FRRS1L: variants seen among roughly 807,000 people sequenced by gnomAD.
The protein encoded by FRRS1L is ferric chelate reductase 1 like, also known as DOMON domain-containing protein FRRS1L.
A neutral mutation model predicts 28.6 loss-of-function variants in FRRS1L; 22 were observed. The observed-to-expected ratio is 0.77, with a 90% CI of 0.55 to 1.10. FRRS1L has a LOEUF of 1.10. FRRS1L is among the 50% of genes least tolerant of loss of function. FRRS1L has a pLI of 0.00. For missense variants in FRRS1L, 380 were observed against 386.9 expected, an observed-to-expected ratio of 0.98 and a Z score of 0.15; for synonymous variants, 158 against 151.4, an observed-to-expected ratio of 1.04 and a Z score of -0.32.
chr9:109,134,838 C>T lies in FRRS1L; in HGVS notation c.*2617G>A, dbSNP rs1268022935. Reference sequence around the variant, plus strand: ...GAGAGAAATATAAAAATATTTGCTTCTTATTTACAACATGGCTGCCTGCAT... The same window carrying T: ...GAGAGAAATATAAAAATATTTGCTTTTTATTTACAACATGGCTGCCTGCAT... On this transcript the variant is annotated 3_prime_UTR_variant, in exon 5 of 5. Transcript: ENST00000561981. 1 of 152,090 alleles carries T rather than the reference C, an allele frequency of 6.6e-6. No homozygotes were observed. 9.4% of individuals were successfully genotyped at this position (152,090 alleles called of 1,614,324 possible).
At chr9:109,162,190 C>A (rs915254599) in intron 1 of FRRS1L, among the ~76,000 whole-genome samples, 1 of 152,206 alleles carries the variant, frequency 6.6e-6, no homozygotes, top group African/African-American at 2.4e-5. Flanking sequence ...GTGGCTCATG[C>A]CTGTAATCCC....
chr9:109,166,764 C>T (rs1026065732), intron 1 of FRRS1L, 137 bp downstream of exon 1: 9 of 458,668 alleles, frequency 2.0e-5, no homozygotes, highest in Non-Finnish European at 3.1e-5. Flanking sequence ...CCTGGCCTCG[C>T]CTCTGCAAGA....
intron 3 of FRRS1L, among the ~76,000 whole-genome samples, 154 bp downstream of exon 3, chr9:109,146,897 T>C (rs562390159): frequency 4.6e-5 from 7 of 152,340 alleles, no homozygotes; most frequent in Non-Finnish European, 1.0e-4. Context: ...AACCCTTTCA[T>C]TTAAGCTAGC....
intron 1 of FRRS1L, among the ~76,000 whole-genome samples, chr9:109,159,189 C>T (rs1210532168): frequency 6.6e-6 from 1 of 152,056 alleles, no homozygotes; most frequent in African/African-American, 2.4e-5. Context: ...GTAATAATTA[C>T]AATTTAATTA....
rs1371683428 is a variant in FRRS1L at position 109,133,509 on chromosome 9, T to C, written c.*3946A>G. 1 of 152,216 alleles carries C rather than the reference T, an allele frequency of 6.6e-6. No homozygotes were observed. The highest frequency in any genetic ancestry group is 6.5e-5 in the Admixed American group (1 of 15,282). 9.4% of individuals were successfully genotyped at this position (152,216 alleles called of 1,614,324 possible). Reference sequence around the variant, plus strand: ...AAGTTTTAATGGATGTGCACGAAGGTGCATGAATGTGTAGGAAATCATATC... The same window carrying C: ...AAGTTTTAATGGATGTGCACGAAGGCGCATGAATGTGTAGGAAATCATATC... On this transcript the variant is annotated 3_prime_UTR_variant, in exon 5 of 5. Coordinates refer to ENST00000561981, the MANE Select transcript of FRRS1L (RefSeq NM_014334.4).
In FRRS1L at chr9:109,167,175, C is replaced by T. The variant is rs1479078837; in HGVS notation, c.-37G>A. ...GATCCCGCAGCCAGGCCGCTCGGGC[C>T]GCAGCGGGGGCGCCGCGGGCGCGGG... On this transcript the variant is annotated 5_prime_UTR_variant, in exon 1 of 5. Coordinates refer to ENST00000561981, the MANE Select transcript of FRRS1L (RefSeq NM_014334.4). 1 of 1,152,466 alleles carries T rather than the reference C, an allele frequency of 8.7e-7. No individual in the cohort carries two copies. The highest frequency in any genetic ancestry group is 1.1e-6 in the Non-Finnish European group (1 of 940,294). The allele number at this position is 1,152,466 out of a possible 1,614,324, so 71.4% of individuals were successfully genotyped here.
intron 4 of FRRS1L, chr9:109,140,470 G>T: frequency 6.6e-6 from 1 of 152,230 alleles, no homozygotes; most frequent in Non-Finnish European, 1.5e-5. Context: ...GAAGGGGAGG[G>T]GAGACCAGTA....
At chr9:109,150,407 G>C (rs1831318033) in intron 1 of FRRS1L, 1 of 152,088 alleles carries the variant, frequency 6.6e-6, no homozygotes, top group Non-Finnish European at 1.5e-5. Flanking sequence ...GTAGAGACAG[G>C]GTTTCACCAT....
chr9:109,154,446 C>A (rs1373681868), intron 1 of FRRS1L, among the ~76,000 whole-genome samples: 1 of 152,168 alleles, frequency 6.6e-6, no homozygotes, highest in Non-Finnish European at 1.5e-5. Flanking sequence ...AATACTGATA[C>A]AATGTGTTTG....
chr9:109,166,640 G>GT (rs1831553455), intron 1 of FRRS1L, among the ~76,000 whole-genome samples: 4 of 151,958 alleles, frequency 2.6e-5, no homozygotes, highest in Admixed American at 2.0e-4. Context: ...GAACTTGGAT[G>GT]ACCCCTCCCT....
At chr9:109,144,786 C>A (rs1465108373) in intron 3 of FRRS1L, among the ~76,000 whole-genome samples, 1 of 151,978 alleles carries the variant, frequency 6.6e-6, no homozygotes, top group Non-Finnish European at 1.5e-5. Flanking sequence ...TGGGTTCAAG[C>A]GATTCTCCCG....
rs1831084306 is a variant in FRRS1L at position 109,133,923 on chromosome 9, G to C, written c.*3532C>G. 1 of 152,180 alleles carries C rather than the reference G, an allele frequency of 6.6e-6. No individual in the cohort carries two copies. The highest frequency in any genetic ancestry group is 1.5e-5 in the Non-Finnish European group (1 of 68,030). The allele number at this position is 152,180 out of a possible 1,614,324, so 9.4% of individuals were successfully genotyped here. On this transcript the variant is annotated 3_prime_UTR_variant, in exon 5 of 5. Coordinates refer to ENST00000561981, the MANE Select transcript of FRRS1L (RefSeq NM_014334.4). ...TGAAGTTTTTGGAATTATCACTTCA[G>C]CATGTCTATCGACTGCTAGTTCTCT...
At chr9:109,163,238 G>A (rs1366996688) in intron 1 of FRRS1L, among the ~76,000 whole-genome samples, 2 of 152,136 alleles carry the variant, frequency 1.3e-5, no homozygotes, top group African/African-American at 2.4e-5. Flanking sequence ...TAGACTCTGG[G>A]TTAAGAACCT....
At position 109,137,587 on chromosome 9, in the gene FRRS1L, T is replaced by C; in HGVS notation, c.750A>G (p.Ser250=). Residue 250 remains serine, a synonymous_variant, in exon 5 of 5, where the codon TCA becomes TCG. Transcript: ENST00000561981. ...TRHDIDSPPA[S]ERVVSIYKYE... ...ACTTGTAAATACTGACAACACGCTC[T>C]GAAGCCGGCGGTGAGTCTATATCAT... 3 of 1,611,796 alleles carry C rather than the reference T, an allele frequency of 1.9e-6. No individual in the cohort carries two copies. The highest frequency in any genetic ancestry group is 2.5e-6 in the Non-Finnish European group (3 of 1,178,508).
chr9:109,146,208 C>A (rs113436611), intron 3 of FRRS1L, among the ~76,000 whole-genome samples: 26 of 136,954 alleles, frequency 1.9e-4, no homozygotes, highest in Admixed American at 1.8e-3. Flanking sequence ...AACAAACAAA[C>A]AAACAAACAA....
intron 1 of FRRS1L, among the ~76,000 whole-genome samples, chr9:109,162,822 C>T (rs1831494684): frequency 6.6e-6 from 1 of 152,242 alleles, no homozygotes; most frequent in African/African-American, 2.4e-5. Context: ...GCCCCATGTT[C>T]TGTCCTTCTT....
At chr9:109,147,400 G>A (rs143784522) in intron 2 of FRRS1L, 73 of 530,656 alleles carry the variant, frequency 1.4e-4, no homozygotes, top group Middle Eastern at 9.9e-4. Flanking sequence ...GCAGTCCTGA[G>A]ATGGGAAGGG....
chr9:109,166,851 C>T (rs1831558676), intron 1 of FRRS1L, 50 bp downstream of exon 1: 2 of 527,038 alleles, frequency 3.8e-6, no homozygotes, highest in Non-Finnish European at 5.0e-6. Context: ...TCCTCGGTCC[C>T]CCACCCCCGG....
chr9:109,139,393 T>C (rs1027257778), intron 4 of FRRS1L: 1 of 152,170 alleles, frequency 6.6e-6, no homozygotes, highest in Non-Finnish European at 1.5e-5. Flanking sequence ...TAGTCTGCCA[T>C]ATATGTAAAA....
Sources: allele counts gnomAD v4.1 joint callset (sites outside exome capture counted in the v4.1 genomes callset), GRCh38; gene constraint gnomAD v4.1.1; transcripts MANE v1.5; gene names NCBI Gene and HGNC (gene_info 2026-07-23, HGNC 2026-07-21).